B4GALT1: variants seen among roughly 807,000 people sequenced by gnomAD.
B4GALT1 encodes the protein beta-1,4-galactosyltransferase 1.
A neutral mutation model predicts 34.9 loss-of-function variants in B4GALT1; 16 were observed. The observed-to-expected ratio is 0.46, with a 90% CI of 0.31 to 0.70. B4GALT1 has a LOEUF of 0.70. Among genes scored for constraint, B4GALT1 ranks in the 30% least tolerant of loss-of-function variants. The pLI is 0.05. For synonymous variants in B4GALT1, 221 were observed against 218.1 expected (o/e 1.01, Z -0.12); for missense variants, 445 against 530.5 (o/e 0.84, Z 1.58).
chr9:33,144,855 T>C (rs1265812018), intron 1 of B4GALT1, among the ~76,000 whole-genome samples: 2 of 152,228 alleles, frequency 1.3e-5, no homozygotes, highest in Non-Finnish European at 1.5e-5. Context: ...GGACAGTTCC[T>C]GGCAGCAAGA....
intron 1 of B4GALT1, among the ~76,000 whole-genome samples, chr9:33,146,692 CTTTTCT>C (rs1840430429): frequency 1.2e-5 from 1 of 82,482 alleles, no homozygotes; most frequent in Non-Finnish European, 2.2e-5. Flanking sequence ...AATTTTCTTT[CTTTTCT>C]TTTTTTTTTT....
At chr9:33,123,181 G>A (rs1840046243) in intron 2 of B4GALT1, among the ~76,000 whole-genome samples, 1 of 151,322 alleles carries the variant, frequency 6.6e-6, no homozygotes, top group Non-Finnish European at 1.5e-5. Flanking sequence ...AGGAGGCTGA[G>A]GCAGGAGAAT....
intron 1 of B4GALT1, among the ~76,000 whole-genome samples, chr9:33,165,400 T>C (rs1564055548): frequency 6.6e-6 from 1 of 152,210 alleles, no homozygotes; most frequent in Non-Finnish European, 1.5e-5. Flanking sequence ...GTCAGACACT[T>C]AGCAGCAAGG....
intron 2 of B4GALT1, among the ~76,000 whole-genome samples, chr9:33,129,234 G>C (rs1840157767): frequency 6.6e-6 from 1 of 152,166 alleles, no homozygotes; most frequent in Admixed American, 6.5e-5. Flanking sequence ...TAAAGGTGCT[G>C]AGTCCAAAGG....
At chr9:33,135,125 C>A in intron 2 of B4GALT1, 64 bp downstream of exon 2, 2 of 1,493,878 alleles carry the variant, frequency 1.3e-6, no homozygotes, top group East Asian at 2.3e-5. Context: ...CCTCATTACA[C>A]ACACATCTGA....
chr9:33,105,659 T>C (rs1227489855), downstream of B4GALT1, among the ~76,000 whole-genome samples: 2 of 152,154 alleles, frequency 1.3e-5, no homozygotes, highest in Non-Finnish European at 1.5e-5. Context: ...ACAACCACCA[T>C]TCTGCCTTCT....
chr9:33,137,785 C>A lies in B4GALT1; in HGVS notation c.413-2361G>T, dbSNP rs549534467. Among the ~76,000 whole-genome samples the A allele has an allele frequency of 2.6e-5, 4 of 152,144 alleles. No individual in the cohort carries two copies. In the South Asian group the frequency reaches 8.3e-4, roughly 32 times the overall value. On this transcript the variant is annotated intron_variant, in intron 1 of 5. Transcript: ENST00000379731. ...ATCTGATGTCAAGGCTTAGGGCTTT[C>A]GGGCAAAGAGGGCCCTCGGGGATTC...
intron 1 of B4GALT1, among the ~76,000 whole-genome samples, chr9:33,150,544 A>G (rs1287825413): frequency 1.3e-5 from 2 of 152,194 alleles, no homozygotes; most frequent in East Asian, 3.8e-4. Flanking sequence ...AGACAAAACA[A>G]TAGTAATGAA....
At chr9:33,122,411 T>C (rs1044752091) in intron 2 of B4GALT1, among the ~76,000 whole-genome samples, 1 of 151,804 alleles carries the variant, frequency 6.6e-6, no homozygotes, top group Non-Finnish European at 1.5e-5. Context: ...GAGGCTGAGG[T>C]AGGAGGCTCA....
chr9:33,127,047 C>T (rs778070800), intron 2 of B4GALT1, among the ~76,000 whole-genome samples: 7 of 152,064 alleles, frequency 4.6e-5, no homozygotes, highest in African/African-American at 1.2e-4. Context: ...CTGCAAGCTC[C>T]GCCTCCCGGG....
In B4GALT1 at chr9:33,163,481, C is replaced by G. The variant is rs138296840; in HGVS notation, c.412+3277G>C. Among the ~76,000 whole-genome samples the G allele has an allele frequency of 3.9e-3, 600 of 152,300 alleles. 7 individuals are homozygous for G. Among genetic ancestry groups the G allele is most frequent in the African/African-American group, 0.013 (560 of 41,546 alleles). On this transcript the variant is annotated intron_variant, in intron 1 of 5. Transcript: ENST00000379731. ...AGTCTAACACTCACTCCCCTACCCC[C>G]CTGAGGGGACTGTACCAACCATCCC...
chr9:33,135,100 C>A, intron 2 of B4GALT1, 89 bp downstream of exon 2: 2 of 1,333,188 alleles, frequency 1.5e-6, no homozygotes, highest in Non-Finnish European at 2.1e-6. Flanking sequence ...TGTGAAATCA[C>A]TCCCCTTCCC....
chr9:33,156,708 G>T (rs957821159), intron 1 of B4GALT1, among the ~76,000 whole-genome samples: 13 of 152,208 alleles, frequency 8.5e-5, no homozygotes, highest in Non-Finnish European at 1.5e-4. Context: ...ATCCACATGA[G>T]TTAAATGATC....
At chr9:33,110,011 C>T (rs1237976218), downstream of B4GALT1, among the ~76,000 whole-genome samples, 1 of 152,254 alleles carries the variant, frequency 6.6e-6, no homozygotes, top group Non-Finnish European at 1.5e-5. Context: ...CACCTTTGCA[C>T]AGGCCTGAGG....
chr9:33,118,333 GA>G lies in B4GALT1; in HGVS notation c.836+2085del, dbSNP rs548268798. 7.2e-5 allele frequency among the ~76,000 whole-genome samples: 11 copies of G among 152,226 alleles called. No individual in the cohort carries two copies. The South Asian group carries it at 2.3e-3, about 32-fold the overall frequency. ...TGCTCCCAGCAAGGGAGGACAGGAAGAAATGATGAGAATAAAATGAGTCTGA... is the reference window on the plus strand; with the variant it reads ...TGCTCCCAGCAAGGGAGGACAGGAAGAATGATGAGAATAAAATGAGTCTGA... On this transcript the variant is annotated intron_variant, in intron 3 of 5. Coordinates refer to ENST00000379731, the MANE Select transcript of B4GALT1 (RefSeq NM_001497.4).
chr9:33,150,476 A>G (rs1445550187), intron 1 of B4GALT1, among the ~76,000 whole-genome samples: 2 of 152,094 alleles, frequency 1.3e-5, no homozygotes, highest in African/African-American at 4.8e-5. Context: ...TGCCATTTAC[A>G]TATGTTTAAA....
At chr9:33,154,226 T>C (rs1587747705) in intron 1 of B4GALT1, among the ~76,000 whole-genome samples, 1 of 152,052 alleles carries the variant, frequency 6.6e-6, no homozygotes, top group Admixed American at 6.6e-5. Flanking sequence ...ACCATATCAA[T>C]AGAATAAATG....
intron 1 of B4GALT1, among the ~76,000 whole-genome samples, chr9:33,157,300 GTA>G (rs1422624661): frequency 6.6e-6 from 1 of 152,180 alleles, no homozygotes; most frequent in Non-Finnish European, 1.5e-5. Flanking sequence ...ATGTGAATCA[GTA>G]TTGTCAAGAT....
intron 1 of B4GALT1, among the ~76,000 whole-genome samples, chr9:33,142,403 T>C (rs562161347): frequency 1.3e-5 from 2 of 152,336 alleles, no homozygotes; most frequent in East Asian, 3.9e-4. Context: ...CCCCTCCCTA[T>C]CCCATTCCTA....
Sources: allele counts gnomAD v4.1 joint callset (sites outside exome capture counted in the v4.1 genomes callset), GRCh38; gene constraint gnomAD v4.1.1; transcripts MANE v1.5; gene names NCBI Gene and HGNC (gene_info 2026-07-23, HGNC 2026-07-21).